PCNX2: variants seen among roughly 807,000 people sequenced by gnomAD.
PCNX2 encodes pecanex-like protein 2.
Under a neutral mutation model 223.8 loss-of-function variants are expected in PCNX2, and 168 were observed. That is an observed-to-expected ratio of 0.75 (90% CI 0.66 to 0.85). The LOEUF is 0.85. PCNX2 is among the 40% of genes least tolerant of loss of function. PCNX2 has a pLI of 0.00. For synonymous variants in PCNX2, 1,006 were observed against 1,052.6 expected (o/e 0.96, Z 0.86); for missense variants, 2,507 against 2,675.5 (o/e 0.94, Z 1.39).
chr1:233,186,861 A>T (rs1432352088), intron 15 of PCNX2, among the ~76,000 whole-genome samples: 1 of 152,194 alleles, frequency 6.6e-6, no homozygotes, highest in Admixed American at 6.5e-5. Flanking sequence ...AAGTCTATCT[A>T]TAGCTACATG....
intron 21 of PCNX2, among the ~76,000 whole-genome samples, chr1:233,109,174 C>G (rs1571883400): frequency 6.6e-6 from 1 of 152,166 alleles, no homozygotes; most frequent in African/African-American, 2.4e-5. Context: ...CCCCCCATAT[C>G]AGAAGTCTAG....
At chr1:233,157,571 C>T (rs1678203599) in intron 19 of PCNX2, among the ~76,000 whole-genome samples, 2 of 152,168 alleles carry the variant, frequency 1.3e-5, no homozygotes, top group Admixed American at 1.3e-4. Flanking sequence ...TGACAATATT[C>T]TGTGCTCCTA....
intron 25 of PCNX2, among the ~76,000 whole-genome samples, chr1:233,042,677 CTT>C (rs1292257546): frequency 1.3e-5 from 2 of 152,148 alleles, no homozygotes; most frequent in Non-Finnish European, 2.9e-5. Flanking sequence ...TGGGAAGAAA[CTT>C]AGGAATCACA....
chr1:233,242,679 G>T (rs1265792594), intron 8 of PCNX2, among the ~76,000 whole-genome samples: 1 of 152,202 alleles, frequency 6.6e-6, no homozygotes, highest in Non-Finnish European at 1.5e-5. Context: ...AAGATCTACT[G>T]AGTAGTAATA....
chr1:233,224,888 G>C (rs890701947), intron 10 of PCNX2, among the ~76,000 whole-genome samples: 1 of 151,964 alleles, frequency 6.6e-6, no homozygotes, highest in African/African-American at 2.4e-5. Flanking sequence ...TCGTAAGTGG[G>C]AGTTGAACAA....
chr1:233,082,085 G>T (rs1057108930), intron 23 of PCNX2, among the ~76,000 whole-genome samples: 4 of 152,034 alleles, frequency 2.6e-5, no homozygotes, highest in Non-Finnish European at 5.9e-5. Flanking sequence ...ATCAGCCCTG[G>T]GTTAATATCG....
chr1:233,164,168 A>C (rs1370231147), intron 17 of PCNX2, among the ~76,000 whole-genome samples: 2 of 152,240 alleles, frequency 1.3e-5, no homozygotes, highest in African/African-American at 4.8e-5. Flanking sequence ...TCAAAAGAAG[A>C]CATACAAACG....
At chr1:233,129,837 A>T (rs1451545603) in intron 21 of PCNX2, among the ~76,000 whole-genome samples, 1 of 152,202 alleles carries the variant, frequency 6.6e-6, no homozygotes, top group African/African-American at 2.4e-5. Context: ...ACCAATCAGC[A>T]GGATGTGGGT....
At chr1:233,205,410 T>A (rs1426993033) in intron 13 of PCNX2, among the ~76,000 whole-genome samples, 1 of 152,290 alleles carries the variant, frequency 6.6e-6, no homozygotes. Flanking sequence ...AAGCAGACTT[T>A]TGGCCGGGCA....
At chr1:232,996,767 C>A (rs1280317489) in intron 32 of PCNX2, among the ~76,000 whole-genome samples, 1 of 152,146 alleles carries the variant, frequency 6.6e-6, no homozygotes, top group Non-Finnish European at 1.5e-5. Flanking sequence ...AGAGAAATTC[C>A]TTGTGGGCCC....
chr1:233,224,176 C>T (rs1220837553), intron 10 of PCNX2, among the ~76,000 whole-genome samples: 1 of 152,142 alleles, frequency 6.6e-6, no homozygotes, highest in South Asian at 2.1e-4. Context: ...CACAGAAGGG[C>T]AACTTCTTAT....
At chr1:233,250,938 T>C in intron 7 of PCNX2, 106 bp from the exon 8 acceptor site, 3 of 1,223,598 alleles carry the variant, frequency 2.5e-6, no homozygotes, top group Admixed American at 2.8e-5. Flanking sequence ...TTTGGTCTGT[T>C]ATAATAACTG....
chr1:233,111,776 G>C (rs1675130648), intron 21 of PCNX2, among the ~76,000 whole-genome samples: 1 of 152,118 alleles, frequency 6.6e-6, no homozygotes, highest in Non-Finnish European at 1.5e-5. Context: ...AGCAGGCACT[G>C]GTATTATTTA....
At position 232,984,205 on chromosome 1, in the gene PCNX2, C is replaced by T. The variant is rs2885; in HGVS notation, c.*99G>A. The stretch of plus-strand genomic sequence containing the variant: ...TCCACAGGAGGAGTCCCTCATGGAT[C>T]GCGGTATTGGTTGGTTGTGGTGATT... On this transcript the variant is annotated 3_prime_UTR_variant, in exon 34 of 34. Coordinates refer to ENST00000258229, the MANE Select transcript of PCNX2 (RefSeq NM_014801.4). 0.24 allele frequency: 264,624 copies of T among 1,095,468 alleles called. 30,120 individuals are homozygous for T. The highest frequency in any genetic ancestry group is 0.28 in the East Asian group (6,018 of 21,352). 67.9% of individuals were successfully genotyped at this position (1,095,468 alleles called of 1,614,324 possible). A position where few individuals can be genotyped will look rare whatever the true frequency, so the allele number is the denominator to read the frequency against.
Position 233,161,448 on chromosome 1 carries a change from T to C in PCNX2, c.3274-85A>G, listed in dbSNP as rs183405160. 3.0e-4 allele frequency: 350 copies of C among 1,159,714 alleles called. 1 individual carries two copies. The Admixed American group carries it at 3.6e-3, about 12-fold the overall frequency. The allele number at this position is 1,159,714 out of a possible 1,614,324, so 71.8% of individuals were successfully genotyped here. ...ACCAGGTAAATCAAGCAGCAGGACATTGACCCAAGATAAACTGTTTTTCCA... is the reference window on the plus strand; with the variant it reads ...ACCAGGTAAATCAAGCAGCAGGACACTGACCCAAGATAAACTGTTTTTCCA... On this transcript the variant is annotated intron_variant, in intron 17 of 33. Transcript: ENST00000258229.
Position 233,126,429 on chromosome 1 carries a change from AAC to A in PCNX2, c.3837+8582_3837+8583del, listed in dbSNP as rs566619722. Among the ~76,000 whole-genome samples the A allele has an allele frequency of 1.8e-3, 267 of 152,284 alleles. 1 individual carries two copies. Among genetic ancestry groups the A allele is most frequent in the African/African-American group, 6.2e-3 (259 of 41,564 alleles). On this transcript the variant is annotated intron_variant, in intron 21 of 33. Coordinates refer to ENST00000258229, the MANE Select transcript of PCNX2 (RefSeq NM_014801.4). This position sits in a 1 kb window ranked among gnomAD's most constrained non-coding sequence, Gnocchi z 4.8. Reference sequence around the variant, plus strand: ...ATGCACTGTCATGGAAAAGTCTTCTAACACATATTTTAAGCAAAAATGGAGGT... The same window carrying A: ...ATGCACTGTCATGGAAAAGTCTTCTAACATATTTTAAGCAAAAATGGAGGT...
At chr1:233,162,856 T>C (rs969744683) in intron 17 of PCNX2, among the ~76,000 whole-genome samples, 5 of 152,232 alleles carry the variant, frequency 3.3e-5, no homozygotes, top group African/African-American at 9.6e-5. Flanking sequence ...TCATGTGTTA[T>C]GTTTAACTGA....
chr1:233,320,032 T>A, the PCNX2 span, among the ~76,000 whole-genome samples: 6 of 152,226 alleles, frequency 3.9e-5, no homozygotes. Context: ...TGTTTCTGCA[T>A]TCAACGTGTT....
intron 15 of PCNX2, among the ~76,000 whole-genome samples, chr1:233,197,924 G>T (rs1160108705): frequency 6.6e-6 from 1 of 152,146 alleles, no homozygotes; most frequent in East Asian, 1.9e-4. Flanking sequence ...TATCAAAGGA[G>T]TACCTGTGGT....
Sources: gnomAD v4.1 joint callset for allele counts (sites outside exome capture counted in the v4.1 genomes callset) on GRCh38, gnomAD v4.1.1 for gene constraint, Gnocchi (gnomAD v3.1) non-coding constraint, MANE v1.5 for transcripts, NCBI Gene and HGNC (gene_info 2026-07-23, HGNC 2026-07-21) for gene names.